GNAQ: variants seen among roughly 807,000 people sequenced by gnomAD.
GNAQ encodes guanine nucleotide-binding protein G(q) subunit alpha.
A neutral mutation model predicts 43.9 loss-of-function variants in GNAQ; 8 were observed. The observed-to-expected ratio is 0.18, with a 90% CI of 0.11 to 0.33. The LOEUF (loss-of-function observed/expected upper bound fraction) is 0.33. Ranked by LOEUF, GNAQ falls within the 10% of genes least tolerant of loss-of-function variation. GNAQ has a pLI of 1.00. For missense variants in GNAQ, 158 were observed against 450.8 expected, an observed-to-expected ratio of 0.35 and a Z score of 5.88; for synonymous variants, 155 against 170.7, an observed-to-expected ratio of 0.91 and a Z score of 0.71.
At position 77,751,791 on chromosome 9, in the gene GNAQ, A is replaced by AAAAC. The variant is rs369887847; in HGVS notation, c.736-23128_736-23125dup. 7.3e-3 allele frequency among the ~76,000 whole-genome samples: 1,108 copies of AAAAC among 152,120 alleles called. 7 individuals are homozygous for AAAAC. The highest frequency in any genetic ancestry group is 0.012 in the Admixed American group (176 of 15,282). ...AGGCAAGGAACAGACAGACCTCCAA[A>AAAAC]AAACAAACAAACAAACAAACAAACA... On this transcript the variant is annotated intron_variant, in intron 5 of 6. Transcript: ENST00000286548.
intron 3 of GNAQ, among the ~76,000 whole-genome samples, chr9:77,813,449 A>G (rs1826959928): frequency 6.6e-6 from 1 of 152,200 alleles, no homozygotes; most frequent in Admixed American, 6.5e-5. Flanking sequence ...ACAGGTCTAG[A>G]GAAACTGTCT....
chr9:78,014,184 T>C (rs1218798558), intron 1 of GNAQ, among the ~76,000 whole-genome samples: 3 of 152,076 alleles, frequency 2.0e-5, no homozygotes, highest in Middle Eastern at 3.4e-3. Context: ...GGAGGAGGAA[T>C]AGGGGTAGCT....
chr9:78,010,322 G>A (rs983655911), intron 1 of GNAQ, among the ~76,000 whole-genome samples: 4 of 152,154 alleles, frequency 2.6e-5, no homozygotes, highest in African/African-American at 7.2e-5. Flanking sequence ...CAGTCTCTCC[G>A]TGTTCCCCAG....
At chr9:77,796,356 A>T (rs2118450614) in intron 4 of GNAQ, among the ~76,000 whole-genome samples, 1 of 152,282 alleles carries the variant, frequency 6.6e-6, no homozygotes, top group African/African-American at 2.4e-5. Flanking sequence ...TCTGCTTCAT[A>T]ACCAATATTG....
intron 1 of GNAQ, among the ~76,000 whole-genome samples, chr9:77,960,691 A>C (rs1373746967): frequency 6.6e-6 from 1 of 152,226 alleles, no homozygotes; most frequent in African/African-American, 2.4e-5. Context: ...AAGAAAATAT[A>C]GTCAATACAA....
chr9:77,819,544 A>C (rs1050418460), intron 2 of GNAQ, among the ~76,000 whole-genome samples: 6 of 152,098 alleles, frequency 3.9e-5, no homozygotes, highest in African/African-American at 1.4e-4. Context: ...CCAAATGGTA[A>C]CTTCCACATT....
chr9:78,024,195 C>T (rs564026162), intron 1 of GNAQ, among the ~76,000 whole-genome samples: 11 of 152,202 alleles, frequency 7.2e-5, no homozygotes, highest in African/African-American at 2.4e-4. Flanking sequence ...AATGTTCAAC[C>T]GAAACATTGT....
At position 77,922,308 on chromosome 9, in the gene GNAQ, C is replaced by T; in HGVS notation, c.174G>A (p.Gln58=). ...ATCCTGACCCATGGATGATTCTCAT[C>T]TGCTTGATAAACGTACTCTTGCCAC... is the stretch of plus-strand genomic sequence containing the variant. ...GESGKSTFIK[Q]MRIIHGSGYS... Residue 58 remains glutamine, a synonymous_variant, in exon 2 of 7, where the codon CAG becomes CAA. Coordinates refer to ENST00000286548, the MANE Select transcript of GNAQ (RefSeq NM_002072.5). 1 of 1,613,588 alleles carries T rather than the reference C, an allele frequency of 6.2e-7. No homozygotes were observed. Among genetic ancestry groups the T allele is most frequent in the South Asian group, 1.1e-5 (1 of 91,064 alleles).
chr9:77,743,093 A>G (rs998522914), intron 5 of GNAQ, among the ~76,000 whole-genome samples: 3 of 152,168 alleles, frequency 2.0e-5, no homozygotes, highest in Non-Finnish European at 4.4e-5. Context: ...CCCCGTCTCT[A>G]CTAAAAATAC....
intron 3 of GNAQ, among the ~76,000 whole-genome samples, chr9:77,803,654 C>T (rs937361488): frequency 2.6e-5 from 4 of 152,152 alleles, no homozygotes; most frequent in Non-Finnish European, 4.4e-5. Context: ...TGATCCTTAC[C>T]TGCAAGGAGT....
intron 2 of GNAQ, among the ~76,000 whole-genome samples, chr9:77,848,406 A>T (rs1282043837): frequency 6.6e-6 from 1 of 152,230 alleles, no homozygotes; most frequent in Non-Finnish European, 1.5e-5. Flanking sequence ...CAGATCTTCA[A>T]GCTATTTCAC....
rs953900982 is a variant in GNAQ, at chr9:77,716,755, T to C, written c.*4568A>G. On this transcript the variant is annotated 3_prime_UTR_variant, in exon 7 of 7. Transcript: ENST00000286548. ...AATAGATGTTTTCATAACATGTAAA[T>C]GTCATTTGCTATATTGGGTTGGAAT... 8.6e-6 allele frequency: 2 copies of C among 232,864 alleles called. No homozygotes were observed. Among genetic ancestry groups the C allele is most frequent in the Non-Finnish European group, 1.7e-5 (2 of 117,890 alleles). 14.4% of individuals were successfully genotyped at this position (232,864 alleles called of 1,614,324 possible). A position where few individuals can be genotyped will look rare whatever the true frequency, so the allele number is the denominator to read the frequency against.
intron 2 of GNAQ, among the ~76,000 whole-genome samples, chr9:77,861,364 T>A (rs1442300431): frequency 1.3e-5 from 2 of 152,130 alleles, no homozygotes; most frequent in Non-Finnish European, 2.9e-5. Context: ...CCCTTGCCAC[T>A]CCCAAATCTC....
intron 4 of GNAQ, among the ~76,000 whole-genome samples, chr9:77,796,388 G>T (rs1826658525): frequency 6.6e-6 from 1 of 152,252 alleles, no homozygotes; most frequent in East Asian, 1.9e-4. Flanking sequence ...CTTCAATGGG[G>T]TGGGCGCTCC....
chr9:77,883,133 G>A (rs1828242254), intron 2 of GNAQ, among the ~76,000 whole-genome samples: 1 of 152,204 alleles, frequency 6.6e-6, no homozygotes, highest in South Asian at 2.1e-4. Flanking sequence ...GTCGCTGGAA[G>A]TTTAAGTAGG....
intron 1 of GNAQ, among the ~76,000 whole-genome samples, chr9:78,015,315 C>T (rs899765832): frequency 6.6e-6 from 1 of 152,124 alleles, no homozygotes; most frequent in African/African-American, 2.4e-5. Context: ...TGTGTAAGTA[C>T]ACTCTACAAG....
intron 2 of GNAQ, among the ~76,000 whole-genome samples, chr9:77,828,502 C>T (rs545272368): frequency 6.6e-6 from 1 of 152,314 alleles, no homozygotes; most frequent in South Asian, 2.1e-4. Context: ...ACAGTCTTCA[C>T]AGCACAATTG....
chr9:77,853,151 T>G (rs1440805865), intron 2 of GNAQ, among the ~76,000 whole-genome samples: 1 of 152,164 alleles, frequency 6.6e-6, no homozygotes, highest in Non-Finnish European at 1.5e-5. Context: ...GTACACTACA[T>G]GTTATTAATA....
At chr9:77,986,182 T>C (rs1376671661) in intron 1 of GNAQ, among the ~76,000 whole-genome samples, 2 of 152,064 alleles carry the variant, frequency 1.3e-5, no homozygotes, top group African/African-American at 4.8e-5. Context: ...CTGCAAGATA[T>C]CTGGCTCATA....
Sources: allele counts gnomAD v4.1 joint callset (sites outside exome capture counted in the v4.1 genomes callset), GRCh38; gene constraint gnomAD v4.1.1; transcripts MANE v1.5; gene names NCBI Gene and HGNC (gene_info 2026-07-23, HGNC 2026-07-21).